The following LRRC4C variants were observed in gnomAD, a reference collection of about 807,000 sequenced individuals.
LRRC4C encodes the protein leucine-rich repeat-containing protein 4C.
A neutral mutation model predicts 33.6 loss-of-function variants in LRRC4C; 5 were observed. The ratio of observed to expected loss-of-function variants is 0.15; its 90% confidence interval spans 0.08 to 0.31. The LOEUF (loss-of-function observed/expected upper bound fraction) is 0.31, where lower values mean the gene tolerates loss of function less well. Among genes scored for constraint, LRRC4C ranks in the 10% least tolerant of loss-of-function variants. LRRC4C has a pLI of 1.00. For missense variants in LRRC4C, 560 were observed against 796.7 expected, an observed-to-expected ratio of 0.70 and a Z score of 3.58; for synonymous variants, 329 against 302.0, an observed-to-expected ratio of 1.09 and a Z score of -0.93.
chr11:40,839,721 A>G (rs1179549073), intron 2 of LRRC4C, among the ~76,000 whole-genome samples: 1 of 152,170 alleles, frequency 6.6e-6, no homozygotes, highest in African/African-American at 2.4e-5. Flanking sequence ...TGGTTAACTG[A>G]TCTTCAAAAC....
At chr11:41,172,208 G>A (rs1324123563) in intron 1 of LRRC4C, among the ~76,000 whole-genome samples, 5 of 152,108 alleles carry the variant, frequency 3.3e-5, no homozygotes, top group Admixed American at 1.3e-4. Flanking sequence ...AAGAAAGCCA[G>A]CAATTTTACA....
intron 1 of LRRC4C, among the ~76,000 whole-genome samples, chr11:41,034,635 ATATG>A (rs1856950314): frequency 1.5e-5 from 2 of 135,548 alleles, no homozygotes; most frequent in Admixed American, 7.9e-5. Context: ...ATATATATAT[ATATG>A]AGGTGAGAGT....
chr11:41,262,307 T>G (rs1412958582), intron 1 of LRRC4C, among the ~76,000 whole-genome samples: 2 of 151,878 alleles, frequency 1.3e-5, no homozygotes, highest in African/African-American at 4.8e-5. Flanking sequence ...GCAGTGGAGA[T>G]TATATAGCCC....
chr11:40,307,758 G>A (rs1300980551), intron 4 of LRRC4C, among the ~76,000 whole-genome samples: 6 of 152,048 alleles, frequency 3.9e-5, no homozygotes, highest in South Asian at 4.1e-4. Context: ...GGACACAAAC[G>A]AAACAAATGA....
chr11:40,761,661 T>C (rs369506619), intron 2 of LRRC4C, among the ~76,000 whole-genome samples: 11 of 152,154 alleles, frequency 7.2e-5, no homozygotes, highest in African/African-American at 1.9e-4. Flanking sequence ...TATTTTCAAG[T>C]GAAAATCCAA....
chr11:40,977,800 C>T (rs943553767), intron 1 of LRRC4C, among the ~76,000 whole-genome samples: 1 of 152,134 alleles, frequency 6.6e-6, no homozygotes, highest in African/African-American at 2.4e-5. Flanking sequence ...TAAAACAAAC[C>T]TAGTGCTAAT....
At chr11:41,407,327 G>A (rs1954282115) in intron 1 of LRRC4C, among the ~76,000 whole-genome samples, 1 of 148,300 alleles carries the variant, frequency 6.7e-6, no homozygotes, top group East Asian at 2.0e-4. Flanking sequence ...TTTGAGACAG[G>A]GTCTCACTAT....
chr11:40,317,960 T>C lies in LRRC4C; in HGVS notation c.-176+1668A>G, dbSNP rs142595918. ...CAGGCAGGATCAGAACCTTTATACA[T>C]GTAACCATACATTTAAGCTTACATA... On this transcript the variant is annotated intron_variant, in intron 4 of 6. Coordinates refer to ENST00000528697, the MANE Select transcript of LRRC4C (RefSeq NM_001258419.2). Among the ~76,000 whole-genome samples, 566 of 152,230 alleles carry C rather than the reference T, an allele frequency of 3.7e-3. 7 individuals are homozygous for C. The highest frequency in any genetic ancestry group is 0.013 in the African/African-American group (539 of 41,550).
intron 1 of LRRC4C, among the ~76,000 whole-genome samples, chr11:41,349,099 T>C (rs1951892450): frequency 6.6e-6 from 1 of 152,186 alleles, no homozygotes; most frequent in African/African-American, 2.4e-5. Flanking sequence ...CTATCCCATC[T>C]GCCAGCTTTT....
At chr11:40,910,497 C>T (rs369833852) in intron 2 of LRRC4C, among the ~76,000 whole-genome samples, 33 of 152,284 alleles carry the variant, frequency 2.2e-4, no homozygotes, top group East Asian at 9.6e-4. Flanking sequence ...AAAGCAAATA[C>T]GCCTTTGATG....
intron 3 of LRRC4C, among the ~76,000 whole-genome samples, chr11:40,476,283 G>T (rs1221958060): frequency 2.0e-5 from 3 of 150,840 alleles, no homozygotes; most frequent in Admixed American, 6.6e-5. Context: ...TTAACCAAAA[G>T]AGTCTTGACT....
intron 6 of LRRC4C, among the ~76,000 whole-genome samples, chr11:40,131,311 T>C (rs768985116): frequency 1.8e-4 from 28 of 152,320 alleles, no homozygotes; most frequent in Non-Finnish European, 1.0e-4. Context: ...TTACTCCTTG[T>C]CACCCTCCAT....
At chr11:41,094,066 G>A (rs1435110926) in intron 1 of LRRC4C, among the ~76,000 whole-genome samples, 2 of 150,058 alleles carry the variant, frequency 1.3e-5, no homozygotes, top group African/African-American at 4.9e-5. Flanking sequence ...CGGTGATCAC[G>A]AGATCACACC....
intron 1 of LRRC4C, among the ~76,000 whole-genome samples, chr11:41,068,374 G>A (rs1938417874): frequency 6.6e-6 from 1 of 152,052 alleles, no homozygotes. Flanking sequence ...TTGGGCAACA[G>A]AGTGGGACTC....
intron 1 of LRRC4C, among the ~76,000 whole-genome samples, chr11:41,349,206 A>T (rs1265461640): frequency 6.6e-6 from 1 of 152,148 alleles, no homozygotes; most frequent in African/African-American, 2.4e-5. Flanking sequence ...GGCAGACCTT[A>T]TCTAATAGCC....
At chr11:41,374,768 A>G (rs766976415) in intron 1 of LRRC4C, among the ~76,000 whole-genome samples, 18 of 152,174 alleles carry the variant, frequency 1.2e-4, no homozygotes, top group Non-Finnish European at 1.8e-4. Context: ...TTATGTAGGA[A>G]AATAACATTT....
At chr11:41,243,711 C>G (rs1040645418) in intron 1 of LRRC4C, among the ~76,000 whole-genome samples, 1 of 152,034 alleles carries the variant, frequency 6.6e-6, no homozygotes, top group East Asian at 1.9e-4. Flanking sequence ...AGAAGCACAG[C>G]CTAGGGATAA....
At chr11:40,519,625 C>T (rs191005472) in intron 3 of LRRC4C, among the ~76,000 whole-genome samples, 4 of 152,220 alleles carry the variant, frequency 2.6e-5, no homozygotes, top group African/African-American at 9.6e-5. Flanking sequence ...GACTAACTGT[C>T]TTCATATTAG....
At chr11:41,177,115 G>A (rs895146638) in intron 1 of LRRC4C, among the ~76,000 whole-genome samples, 1 of 152,156 alleles carries the variant, frequency 6.6e-6, no homozygotes, top group Non-Finnish European at 1.5e-5. Context: ...TTGAGGAAGA[G>A]GTTTTAGCCA....
Sources: gnomAD v4.1 joint callset for allele counts (sites outside exome capture counted in the v4.1 genomes callset) on GRCh38, gnomAD v4.1.1 for gene constraint, MANE v1.5 for transcripts, NCBI Gene and HGNC (gene_info 2026-07-23, HGNC 2026-07-21) for gene names.